MAGI2: variants seen among roughly 807,000 people sequenced by gnomAD.
MAGI2 encodes membrane associated guanylate kinase, WW and PDZ domain containing 2, also known as membrane-associated guanylate kinase, WW and PDZ domain-containing protein 2.
A neutral mutation model predicts 133.3 loss-of-function variants in MAGI2; 35 were observed. The observed-to-expected ratio is 0.26, with a 90% confidence interval of 0.20 to 0.35. The LOEUF (loss-of-function observed/expected upper bound fraction) is 0.35, where lower values mean the gene tolerates loss of function less well. Ranked by LOEUF, MAGI2 falls within the 10% of genes least tolerant of loss-of-function variation. MAGI2 has a pLI of 1.00. For missense variants in MAGI2, 1,636 were observed against 1,863.4 expected, an observed-to-expected ratio of 0.88 and a Z score of 2.25; for synonymous variants, 729 against 710.6, an observed-to-expected ratio of 1.03 and a Z score of -0.41.
chr7:78,672,488 T>C (rs1222286210), intron 2 of MAGI2, among the ~76,000 whole-genome samples: 1 of 152,190 alleles, frequency 6.6e-6, no homozygotes, highest in Admixed American at 6.6e-5. Context: ...ACACAGAAGA[T>C]AAGACAGATG....
chr7:78,063,219 T>C (rs1813458754), intron 21 of MAGI2, among the ~76,000 whole-genome samples: 1 of 142,222 alleles, frequency 7.0e-6, no homozygotes, highest in African/African-American at 2.5e-5. Context: ...TTCCTTCGCT[T>C]GGGATAGAAG....
At chr7:78,317,062 T>C (rs1437760702) in intron 9 of MAGI2, among the ~76,000 whole-genome samples, 1 of 152,202 alleles carries the variant, frequency 6.6e-6, no homozygotes, top group Non-Finnish European at 1.5e-5. Flanking sequence ...TATTTTCCCA[T>C]AAAAACTGTC....
chr7:78,225,997 A>T (rs548696427), intron 10 of MAGI2, among the ~76,000 whole-genome samples: 10 of 152,326 alleles, frequency 6.6e-5, no homozygotes, highest in South Asian at 2.1e-4. Context: ...ACCAGTTTTT[A>T]AAAAAATTCA....
At chr7:78,334,315 G>A (rs1333719150) in intron 9 of MAGI2, among the ~76,000 whole-genome samples, 2 of 151,948 alleles carry the variant, frequency 1.3e-5, no homozygotes, top group Non-Finnish European at 1.5e-5. Flanking sequence ...CCATGCACAT[G>A]GACCTCAGGT....
At chr7:78,437,719 T>G (rs962450389) in intron 6 of MAGI2, among the ~76,000 whole-genome samples, 2 of 152,200 alleles carry the variant, frequency 1.3e-5, no homozygotes, top group African/African-American at 2.4e-5. Context: ...ACATGACCAC[T>G]GAGTGTTCTC....
chr7:78,260,925 T>G (rs552680191), intron 9 of MAGI2, among the ~76,000 whole-genome samples: 1 of 152,186 alleles, frequency 6.6e-6, no homozygotes, highest in Non-Finnish European at 1.5e-5. Context: ...GGATACCTCA[T>G]CATTTTGGAT....
chr7:78,638,986 T>C (rs1809980761), intron 2 of MAGI2, among the ~76,000 whole-genome samples: 1 of 152,170 alleles, frequency 6.6e-6, no homozygotes. Flanking sequence ...GAAGCTTTTA[T>C]AGTCTCCTCA....
chr7:79,168,917 T>TATATATATAG (rs1825239190), intron 1 of MAGI2, among the ~76,000 whole-genome samples: 2 of 43,694 alleles, frequency 4.6e-5, no homozygotes, highest in African/African-American at 1.2e-4. Context: ...TATATATATA[T>TATATATATAG]ATATATATAT....
intron 6 of MAGI2, among the ~76,000 whole-genome samples, chr7:78,444,016 CAT>C (rs1033925748): frequency 1.3e-5 from 2 of 151,542 alleles, no homozygotes; most frequent in African/African-American, 4.9e-5. Context: ...TAGACTCTCA[CAT>C]GTTTTTCTTA....
At position 79,321,004 on chromosome 7, in the gene MAGI2, C is replaced by T. The variant is rs188711318; in HGVS notation, c.301+132016G>A. The stretch of plus-strand genomic sequence containing the variant: ...CCTGTTCAGAATTGTATACTGTGGG[C>T]AGATTACCAACTGCTGTGAGTATAT... On this transcript the variant is annotated intron_variant, in intron 1 of 21. Coordinates refer to ENST00000354212, the MANE Select transcript of MAGI2 (RefSeq NM_012301.4). Among the ~76,000 whole-genome samples the T allele has an allele frequency of 2.6e-3, 393 of 152,190 alleles. 3 individuals carry two copies. The highest frequency in any genetic ancestry group is 8.6e-3 in the African/African-American group (358 of 41,544).
At chr7:79,257,346 C>G (rs932484822) in intron 1 of MAGI2, among the ~76,000 whole-genome samples, 1 of 152,060 alleles carries the variant, frequency 6.6e-6, no homozygotes, top group Non-Finnish European at 1.5e-5. Context: ...AGTGATATTA[C>G]TTTAACAAAC....
intron 7 of MAGI2, chr7:78,351,904 T>C (rs562150543): frequency 3.3e-5 from 5 of 152,164 alleles, no homozygotes; most frequent in Non-Finnish European, 5.9e-5. Context: ...AGTATAATTA[T>C]GAACTCAGTC....
chr7:78,069,995 C>T (rs1236138489), intron 21 of MAGI2, among the ~76,000 whole-genome samples: 1 of 151,608 alleles, frequency 6.6e-6, no homozygotes, highest in African/African-American at 2.4e-5. Context: ...TCTTTATTCA[C>T]TCATCTTCTC....
chr7:79,125,612 G>A (rs943885756), intron 1 of MAGI2: 2 of 511,852 alleles, frequency 3.9e-6, no homozygotes, highest in Admixed American at 4.4e-5. Flanking sequence ...GGTAGTGAAA[G>A]CAATTTTGGA....
intron 5 of MAGI2, 85 bp from the exon 6 acceptor site, chr7:78,489,925 C>T: frequency 9.9e-7 from 1 of 1,009,974 alleles, no homozygotes; most frequent in South Asian, 1.5e-5. Context: ...CAGGGTTAGT[C>T]CAACAAAATT....
chr7:78,125,941 C>A, intron 19 of MAGI2, 104 bp from the exon 20 acceptor site: 1 of 1,143,998 alleles, frequency 8.7e-7, no homozygotes, highest in Non-Finnish European at 1.2e-6. Flanking sequence ...TAATGTATTC[C>A]AAATGACATG....
At chr7:78,959,049 G>A (rs1384321962) in intron 2 of MAGI2, among the ~76,000 whole-genome samples, 1 of 152,078 alleles carries the variant, frequency 6.6e-6, no homozygotes, top group African/African-American at 2.4e-5. Context: ...TCGGCCACGG[G>A]CAACCTTGTA....
At chr7:78,236,104 G>A (rs561734335) in intron 10 of MAGI2, among the ~76,000 whole-genome samples, 14 of 151,046 alleles carry the variant, frequency 9.3e-5, no homozygotes, top group Non-Finnish European at 2.1e-4. Flanking sequence ...ACAATTTGTG[G>A]GTTAATGTAT....
intron 1 of MAGI2, 128 bp downstream of exon 1, chr7:79,452,892 T>G: frequency 1.0e-6 from 1 of 975,002 alleles, no homozygotes. Flanking sequence ...GCACTGCGGG[T>G]GCTCTCTGGC....
Sources: allele counts gnomAD v4.1 joint callset (sites outside exome capture counted in the v4.1 genomes callset), GRCh38; gene constraint gnomAD v4.1.1; transcripts MANE v1.5; gene names NCBI Gene and HGNC (gene_info 2026-07-23, HGNC 2026-07-21).